The following NRXN3 variants were observed in gnomAD, a reference collection of about 807,000 sequenced individuals.
NRXN3 encodes neurexin 3.
Under a neutral mutation model 137.6 loss-of-function variants are expected in NRXN3, and 32 were observed. The observed-to-expected ratio is 0.23, with a 90% CI of 0.18 to 0.31. NRXN3 has a LOEUF of 0.31. Among genes scored for constraint, NRXN3 ranks in the 10% least tolerant of loss-of-function variants. The pLI is 1.00. For missense variants in NRXN3, 1,574 were observed against 2,062.5 expected (o/e 0.76, Z 4.59); for synonymous variants, 798 against 784.5 (o/e 1.02, Z -0.29).
chr14:79,338,048 T>C (rs1183960457), intron 15 of NRXN3, among the ~76,000 whole-genome samples: 5 of 152,114 alleles, frequency 3.3e-5, no homozygotes, highest in Non-Finnish European at 7.4e-5. Flanking sequence ...TGGTTCTCCA[T>C]GGAAGTCCTT....
rs1160867331 is a variant in NRXN3, at chr14:79,007,805, C to CAAA, written c.3262+19685_3262+19687dup. Among the ~76,000 whole-genome samples, 118 of 37,356 alleles carry CAAA rather than the reference C, an allele frequency of 3.2e-3. 1 individual carries two copies. Among genetic ancestry groups the CAAA allele is most frequent in the African/African-American group, 5.8e-3 (75 of 12,822 alleles). 24.5% of individuals were successfully genotyped at this position (37,356 alleles called of 152,430 possible). A position where few individuals can be genotyped will look rare whatever the true frequency, so the allele number is the denominator to read the frequency against. ...TGGATGACAGAGCTAGACTCCATCT[C>CAAA]AAAAAAAAAAAAAAAAAAAAAAAGC... On this transcript the variant is annotated intron_variant, in intron 15 of 20. Transcript: ENST00000335750.
intron 16 of NRXN3, among the ~76,000 whole-genome samples, chr14:79,496,313 A>T (rs1043662636): frequency 2.6e-5 from 4 of 151,886 alleles, no homozygotes; most frequent in Admixed American, 2.0e-4. Context: ...TCATCTAGTT[A>T]CTAGCGCAGT....
chr14:78,797,529 T>C (rs1430481943), intron 8 of NRXN3, among the ~76,000 whole-genome samples: 1 of 152,188 alleles, frequency 6.6e-6, no homozygotes, highest in Non-Finnish European at 1.5e-5. Context: ...GATAATAAAA[T>C]AATGAAATTT....
rs563828857 is a variant in NRXN3, at chr14:79,118,761, AC to A, written c.3262+130622del. Reference sequence around the variant, plus strand: ...GGAAAGTGTGTATATAATATTGTAAACCTTTTTTAGCACCCAAATTAACACC... The same window carrying A: ...GGAAAGTGTGTATATAATATTGTAAACTTTTTTAGCACCCAAATTAACACC... On this transcript the variant is annotated intron_variant, in intron 15 of 20. Coordinates refer to ENST00000335750, the MANE Select transcript of NRXN3 (RefSeq NM_001330195.2). Among the ~76,000 whole-genome samples the A allele has an allele frequency of 5.9e-3, 106 of 17,876 alleles. 1 individual carries two copies. The highest frequency in any genetic ancestry group is 0.03 in the Admixed American group (30 of 1,016). 11.7% of individuals were successfully genotyped at this position (17,876 alleles called of 152,430 possible).
chr14:78,780,056 A>T (rs2098763369), intron 8 of NRXN3, among the ~76,000 whole-genome samples: 1 of 152,154 alleles, frequency 6.6e-6, no homozygotes, highest in Non-Finnish European at 1.5e-5. Context: ...ACTAGACATC[A>T]AGGCATGTTT....
chr14:78,776,052 A>G (rs527386345), intron 8 of NRXN3, among the ~76,000 whole-genome samples: 4 of 152,328 alleles, frequency 2.6e-5, no homozygotes, highest in East Asian at 3.9e-4. Flanking sequence ...ATGATCCAAG[A>G]GTCCACTTCA....
chr14:79,246,232 C>T (rs1393800157), intron 15 of NRXN3, among the ~76,000 whole-genome samples: 1 of 152,180 alleles, frequency 6.6e-6, no homozygotes, highest in Non-Finnish European at 1.5e-5. Context: ...CCTTGTTAGG[C>T]TAAAAGCCAT....
Position 78,740,295 on chromosome 14 carries a change from C to T in NRXN3, c.2044+25156C>T, listed in dbSNP as rs570478703. 1.9e-3 allele frequency among the ~76,000 whole-genome samples: 293 copies of T among 152,218 alleles called. 1 individual carries two copies. The highest frequency in any genetic ancestry group is 9.7e-3 in the South Asian group (47 of 4,828). On this transcript the variant is annotated intron_variant, in intron 8 of 20. Transcript: ENST00000335750. ...TGACTCCATTTGCCTGAATGATTATCGCCTGATGTCTTGAGGCTTACAGAC... is the reference window on the plus strand; with the variant it reads ...TGACTCCATTTGCCTGAATGATTATTGCCTGATGTCTTGAGGCTTACAGAC...
At chr14:78,458,472 C>A (rs1168987996) in intron 4 of NRXN3, among the ~76,000 whole-genome samples, 4 of 152,196 alleles carry the variant, frequency 2.6e-5, no homozygotes. Flanking sequence ...CTGTACTATA[C>A]TGATTATTAC....
chr14:79,706,419 C>CT (rs919138966), intron 19 of NRXN3, among the ~76,000 whole-genome samples: 29,438 of 115,910 alleles, frequency 0.25, 4,169 homozygotes, highest in Middle Eastern at 0.32. Flanking sequence ...GGCTTTTTTA[C>CT]TTTTTTTTTT....
intron 15 of NRXN3, among the ~76,000 whole-genome samples, chr14:79,084,213 C>T (rs1253068521): frequency 6.6e-6 from 1 of 152,038 alleles, no homozygotes; most frequent in African/African-American, 2.4e-5. Flanking sequence ...TGCACTTGGC[C>T]AGCAAGGGAA....
intron 2 of NRXN3, among the ~76,000 whole-genome samples, chr14:78,247,166 C>T (rs1356610635): frequency 1.3e-5 from 2 of 152,198 alleles, no homozygotes; most frequent in Non-Finnish European, 2.9e-5. Context: ...CTTGGCTTGT[C>T]TGGCTCTCCA....
At chr14:78,805,507 C>T (rs1269525527) in intron 9 of NRXN3, among the ~76,000 whole-genome samples, 5 of 151,730 alleles carry the variant, frequency 3.3e-5, no homozygotes, top group Admixed American at 3.3e-4. Flanking sequence ...ACCTTCCATC[C>T]CTGCACCATC....
intron 4 of NRXN3, among the ~76,000 whole-genome samples, chr14:78,453,992 C>T (rs1423976559): frequency 1.3e-5 from 2 of 152,322 alleles, no homozygotes; most frequent in East Asian, 3.9e-4. Context: ...ATATCACCTG[C>T]TTTGTCGTAC....
At position 79,576,542 on chromosome 14, in the gene NRXN3, T is replaced by C. The variant is rs139054846; in HGVS notation, c.3445-87236T>C. Among the ~76,000 whole-genome samples the C allele has an allele frequency of 6.4e-4, 97 of 152,268 alleles. 1 individual carries two copies. The highest frequency in any genetic ancestry group is 2.1e-3 in the African/African-American group (89 of 41,566). On this transcript the variant is annotated intron_variant, in intron 16 of 20. Transcript: ENST00000335750. Reference sequence around the variant, plus strand: ...ACAAAGCAATGGAATGGGAGAGCTCTCCCAGCCCAGGAAAGACAAATGGGA... The same window carrying C: ...ACAAAGCAATGGAATGGGAGAGCTCCCCCAGCCCAGGAAAGACAAATGGGA...
intron 8 of NRXN3, among the ~76,000 whole-genome samples, chr14:78,742,467 C>T (rs1470967767): frequency 6.6e-6 from 1 of 152,214 alleles, no homozygotes; most frequent in Non-Finnish European, 1.5e-5. Context: ...TAAGCCATAT[C>T]AATTGCTGCA....
At chr14:79,704,973 C>T (rs1447187527) in intron 19 of NRXN3, among the ~76,000 whole-genome samples, 5 of 152,104 alleles carry the variant, frequency 3.3e-5, no homozygotes, top group Admixed American at 1.3e-4. Context: ...TCCTTTAATA[C>T]GTAATTTTGG....
At chr14:79,770,926 A>G (rs1370725695) in intron 19 of NRXN3, among the ~76,000 whole-genome samples, 1 of 152,208 alleles carries the variant, frequency 6.6e-6, no homozygotes, top group Non-Finnish European at 1.5e-5. Context: ...GATGCAATAA[A>G]AAATGATAAA....
chr14:79,641,842 G>A (rs925393122), intron 16 of NRXN3, among the ~76,000 whole-genome samples: 10 of 134,792 alleles, frequency 7.4e-5, no homozygotes, highest in African/African-American at 2.2e-4. Context: ...TTCATTATAG[G>A]AACATTCTAC....
Sources: allele counts gnomAD v4.1 joint callset (sites outside exome capture counted in the v4.1 genomes callset), GRCh38; gene constraint gnomAD v4.1.1; transcripts MANE v1.5; gene names NCBI Gene and HGNC (gene_info 2026-07-23, HGNC 2026-07-21).